The following ATL1 variants were observed in gnomAD, a reference collection of about 807,000 sequenced individuals.
ATL1 encodes atlastin GTPase 1, also known as atlastin-1.
In ATL1, 31 loss-of-function variants were observed where a neutral mutation model predicts 75.5. That is an observed-to-expected ratio of 0.41 (90% CI 0.31 to 0.55). The LOEUF is 0.55. Ranked by LOEUF, ATL1 falls within the 20% of genes least tolerant of loss-of-function variation. The pLI, the probability that ATL1 is intolerant of heterozygous loss-of-function variation, is 0.27. For missense variants in ATL1, 405 were observed against 662.6 expected (o/e 0.61, Z 4.27); for synonymous variants, 226 against 233.3 (o/e 0.97, Z 0.28).
At chr14:50,546,829 T>A (rs909277953) in intron 1 of ATL1, among the ~76,000 whole-genome samples, 27 of 11,958 alleles carry the variant, frequency 2.3e-3, no homozygotes, top group Non-Finnish European at 3.4e-3. Flanking sequence ...AATGCCCATG[T>A]GTTTAAGGTT....
At chr14:50,581,021 G>C (rs2039050128) in intron 1 of ATL1, among the ~76,000 whole-genome samples, 1 of 151,510 alleles carries the variant, frequency 6.6e-6, no homozygotes, top group Non-Finnish European at 1.5e-5. Context: ...AAAATCTGTA[G>C]GATCTATAGT....
At chr14:50,595,517 G>A (rs1375954501) in intron 5 of ATL1, 59 bp from the exon 6 acceptor site, 41 of 1,465,674 alleles carry the variant, frequency 2.8e-5, no homozygotes, top group Non-Finnish European at 3.8e-5. Flanking sequence ...AGGTGCTAAA[G>A]TTCTCTCTCT....
chr14:50,610,260 T>TA (rs1315127582), intron 6 of ATL1, among the ~76,000 whole-genome samples: 1 of 152,098 alleles, frequency 6.6e-6, no homozygotes, highest in East Asian at 1.9e-4. Context: ...AGAAAATACT[T>TA]AGTAAAGTTA....
At chr14:50,575,852 G>A (rs964422501) in intron 1 of ATL1, among the ~76,000 whole-genome samples, 2 of 152,060 alleles carry the variant, frequency 1.3e-5, no homozygotes, top group African/African-American at 4.8e-5. Flanking sequence ...TGACATTTTT[G>A]AAGATTCCCC....
chr14:50,595,850 T>C (rs1170605414), intron 6 of ATL1, among the ~76,000 whole-genome samples: 1 of 151,716 alleles, frequency 6.6e-6, no homozygotes, highest in African/African-American at 2.4e-5. Context: ...AAATGAAAGA[T>C]GAATTAGGCA....
At chr14:50,557,684 A>G (rs1392114494), upstream of ATL1, among the ~76,000 whole-genome samples, 3 of 152,202 alleles carry the variant, frequency 2.0e-5, no homozygotes, top group African/African-American at 7.2e-5. Context: ...CTATTGAGGT[A>G]TTTCTTCAGA....
At chr14:50,549,941 A>T (rs951442555) in intron 1 of ATL1, among the ~76,000 whole-genome samples, 1 of 152,204 alleles carries the variant, frequency 6.6e-6, no homozygotes, top group African/African-American at 2.4e-5. Context: ...TCTCAGCGTT[A>T]CCTCTGAGAC....
At chr14:50,575,754 AT>A (rs5808558) in intron 1 of ATL1, among the ~76,000 whole-genome samples, 102,530 of 151,844 alleles carry the variant, frequency 0.68, 34,738 homozygotes, top group East Asian at 0.75. Flanking sequence ...GGAAAAATAG[AT>A]TTTTTTTTAC....
chr14:50,570,769 T>G (rs1041201797), intron 1 of ATL1, among the ~76,000 whole-genome samples: 1 of 152,232 alleles, frequency 6.6e-6, no homozygotes, highest in Non-Finnish European at 1.5e-5. Context: ...CTTCTTTCTT[T>G]GTATACTTTG....
intron 8 of ATL1, among the ~76,000 whole-genome samples, 166 bp from the exon 9 acceptor site, chr14:50,620,433 T>C (rs2039456564): frequency 6.6e-6 from 1 of 152,096 alleles, no homozygotes; most frequent in Admixed American, 6.6e-5. Context: ...AGGAGAATCA[T>C]TCACTGTGAG....
chr14:50,569,051 A>T (rs2038931110), intron 1 of ATL1, among the ~76,000 whole-genome samples: 1 of 152,166 alleles, frequency 6.6e-6, no homozygotes, highest in Non-Finnish European at 1.5e-5. Context: ...CTGTTTTTTT[A>T]AAATGCACTA....
At chr14:50,625,597 TA>T (rs1310769002) in intron 11 of ATL1, among the ~76,000 whole-genome samples, 2 of 152,182 alleles carry the variant, frequency 1.3e-5, no homozygotes, top group Middle Eastern at 3.2e-3. Flanking sequence ...AGTGTTCATT[TA>T]CCATTCCCCA....
At chr14:50,604,070 G>A (rs1019668388) in intron 6 of ATL1, among the ~76,000 whole-genome samples, 2 of 149,400 alleles carry the variant, frequency 1.3e-5, no homozygotes, top group Non-Finnish European at 3.0e-5. Flanking sequence ...TACATTATTC[G>A]AATTACTGAT....
chr14:50,600,376 G>T (rs2039260991), intron 6 of ATL1, among the ~76,000 whole-genome samples: 1 of 152,034 alleles, frequency 6.6e-6, no homozygotes, highest in Non-Finnish European at 1.5e-5. Flanking sequence ...CGCTGACTGA[G>T]TCAACAATGA....
intron 6 of ATL1, among the ~76,000 whole-genome samples, chr14:50,607,150 G>C (rs1276279932): frequency 3.3e-5 from 5 of 152,010 alleles, no homozygotes; most frequent in Non-Finnish European, 7.4e-5. Context: ...TTGGGAACAA[G>C]GCAGAAAGAG....
intron 1 of ATL1, among the ~76,000 whole-genome samples, chr14:50,535,738 G>T (rs543923801): frequency 1.3e-5 from 2 of 152,308 alleles, no homozygotes; most frequent in East Asian, 3.9e-4. Flanking sequence ...TTAAAAAGGA[G>T]AGGTGAGGAA....
At chr14:50,547,414 T>C (rs1329949218) in intron 1 of ATL1, among the ~76,000 whole-genome samples, 3 of 152,162 alleles carry the variant, frequency 2.0e-5, no homozygotes, top group African/African-American at 7.2e-5. Context: ...GAAGCATTGG[T>C]GGACCTCTGT....
At chr14:50,592,988 C>T (rs562417390) in intron 4 of ATL1, among the ~76,000 whole-genome samples, 29 of 141,262 alleles carry the variant, frequency 2.1e-4, no homozygotes, top group Non-Finnish European at 3.0e-4. Flanking sequence ...TATGTGTGTA[C>T]ATATATCTGT....
chr14:50,541,994 G>C (rs201052297), intron 1 of ATL1, among the ~76,000 whole-genome samples: 1 of 103,396 alleles, frequency 9.7e-6, no homozygotes, highest in Non-Finnish European at 1.7e-5. Context: ...GCGACAGAGC[G>C]AGATTCCGTC....
Sources: gnomAD v4.1 joint callset for allele counts (sites outside exome capture counted in the v4.1 genomes callset) on GRCh38, gnomAD v4.1.1 for gene constraint, MANE v1.5 for transcripts, NCBI Gene and HGNC (gene_info 2026-07-23, HGNC 2026-07-21) for gene names.